KLHL12: variants seen among roughly 807,000 people sequenced by gnomAD.
KLHL12 encodes kelch-like protein 12.
Under a neutral mutation model 60.8 loss-of-function variants are expected in KLHL12, and 17 were observed. The ratio of observed to expected loss-of-function variants is 0.28; its 90% CI spans 0.19 to 0.42. The LOEUF (loss-of-function observed/expected upper bound fraction) is 0.42. Ranked by LOEUF, KLHL12 falls within the 10% of genes least tolerant of loss-of-function variation. The pLI is 1.00. For synonymous variants in KLHL12, 220 were observed against 250.9 expected (o/e 0.88, Z 1.16); for missense variants, 468 against 722.3 (o/e 0.65, Z 4.04).
In KLHL12 at chr1:202,906,228, G is replaced by A. The variant is rs186035640; in HGVS notation, c.832+2782C>T. 8.4e-3 allele frequency among the ~76,000 whole-genome samples: 1,252 copies of A among 149,808 alleles called. 17 individuals are homozygous for A. The highest frequency in any genetic ancestry group is 0.029 in the African/African-American group (1,195 of 40,998). On this transcript the variant is annotated intron_variant, in intron 6 of 11. Transcript: ENST00000367261. ...AGCACTTTAGGAGGCTGAGGTGGGC[G>A]GATCACCTGACGTCAGGAGTCCGAG...
rs1659726360 is a variant in KLHL12 at position 202,893,089 on chromosome 1, AAATAAAAAAAATCT to A, written c.1580+136_1580+149del. 36 of 609,660 alleles carry A rather than the reference AAATAAAAAAAATCT, an allele frequency of 5.9e-5. No homozygotes were observed. In the South Asian group the frequency reaches 8.8e-4, roughly 15 times the overall value. 37.8% of individuals were successfully genotyped at this position (609,660 alleles called of 1,614,324 possible). On this transcript the variant is annotated intron_variant, in intron 11 of 11. Coordinates refer to ENST00000367261, the MANE Select transcript of KLHL12 (RefSeq NM_021633.4). The surrounding 1 kb of genome is among the most constrained non-coding windows in gnomAD (Gnocchi z 4.1). Reference sequence around the variant, plus strand: ...GACAGAGCAATACTCTGTCTCTAAAAAATAAAAAAAATCTAATAAAAAAAATCAAGTTGCCACTG... The same window carrying A: ...GACAGAGCAATACTCTGTCTCTAAAAAATAAAAAAAATCAAGTTGCCACTG...
intron 3 of KLHL12, among the ~76,000 whole-genome samples, chr1:202,919,157 G>C (rs1315923668): frequency 6.6e-6 from 1 of 152,230 alleles, no homozygotes; most frequent in Non-Finnish European, 1.5e-5. Context: ...TCAGGAGGCT[G>C]AGGTGTGAGA....
chr1:202,926,038 G>C (rs575301485), intron 1 of KLHL12, among the ~76,000 whole-genome samples: 8 of 150,708 alleles, frequency 5.3e-5, no homozygotes, highest in Non-Finnish European at 1.2e-4. Flanking sequence ...CCAGGAGGTG[G>C]AGGTTGCAGT....
intron 6 of KLHL12, among the ~76,000 whole-genome samples, chr1:202,904,582 G>C (rs549712381): frequency 1.3e-5 from 2 of 152,274 alleles, no homozygotes; most frequent in South Asian, 4.1e-4. Context: ...CAATGATGGA[G>C]TACTTGTTAA....
At chr1:202,901,535 C>G (rs1378143302) in intron 6 of KLHL12, among the ~76,000 whole-genome samples, 1 of 151,708 alleles carries the variant, frequency 6.6e-6, no homozygotes, top group South Asian at 2.1e-4. Flanking sequence ...CTCCTGAACT[C>G]AAGCGATGCT....
intron 6 of KLHL12, among the ~76,000 whole-genome samples, chr1:202,903,390 A>G (rs963285227): frequency 7.0e-6 from 1 of 143,468 alleles, no homozygotes; most frequent in African/African-American, 2.6e-5. Flanking sequence ...CCTTGTATCT[A>G]GTAGCCAGCT....
intron 6 of KLHL12, among the ~76,000 whole-genome samples, chr1:202,903,015 G>C (rs1660056658): frequency 6.6e-6 from 1 of 151,214 alleles, no homozygotes; most frequent in Admixed American, 6.6e-5. Flanking sequence ...AAATGAAATA[G>C]ATCACCATGG....
rs763544689 is a variant in KLHL12 at position 202,924,952 on chromosome 1, C to T, written c.195+16G>A. 1.2e-6 allele frequency: 2 copies of T among 1,606,776 alleles called. No individual in the cohort carries two copies. The highest frequency in any genetic ancestry group is 1.7e-6 in the Non-Finnish European group (2 of 1,175,454). On this transcript the variant is annotated intron_variant, in intron 2 of 11. Transcript: ENST00000367261. ...TTCCACGGGTTTCATTTGTGTGGGG[C>T]TAATTTACCACTTACCTCACTAGTG...
At chr1:202,898,778 A>G (rs192276450) in intron 6 of KLHL12, among the ~76,000 whole-genome samples, 1 of 152,256 alleles carries the variant, frequency 6.6e-6, no homozygotes, top group Non-Finnish European at 1.5e-5. Context: ...GAAAAGAGAC[A>G]TGAAATCACG....
intron 4 of KLHL12, 113 bp downstream of exon 4, chr1:202,918,058 A>C: frequency 1.2e-6 from 1 of 805,868 alleles, no homozygotes; most frequent in Non-Finnish European, 2.0e-6. Flanking sequence ...GAAATCTTTG[A>C]GCCAAAATGC....
intron 6 of KLHL12, among the ~76,000 whole-genome samples, chr1:202,906,111 G>A (rs1660178495): frequency 1.4e-5 from 2 of 143,272 alleles, no homozygotes; most frequent in South Asian, 2.4e-4. Context: ...GAGCCACCGC[G>A]CCCGGCCACC....
chr1:202,911,237 C>G, intron 4 of KLHL12, 34 bp from the exon 5 acceptor site: 1 of 1,609,596 alleles, frequency 6.2e-7, no homozygotes, highest in African/African-American at 1.3e-5. Context: ...GTGGATCCTA[C>G]TTTTCCAATT....
At chr1:202,925,259 G>A (rs1571547665) in intron 1 of KLHL12, 52 bp from the exon 2 acceptor site, 2 of 1,545,088 alleles carry the variant, frequency 1.3e-6, no homozygotes, top group East Asian at 4.5e-5. Flanking sequence ...TAGGGCAACT[G>A]AACATATTTA....
At chr1:202,926,901 C>T (rs140329909) in intron 1 of KLHL12, among the ~76,000 whole-genome samples, 188 bp downstream of exon 1, 4 of 152,188 alleles carry the variant, frequency 2.6e-5, no homozygotes, top group Non-Finnish European at 5.9e-5. Flanking sequence ...CGGAGAGGGG[C>T]AGTTCAGGGG....
chr1:202,912,245 GA>G, intron 4 of KLHL12: 2 of 1,109,030 alleles, frequency 1.8e-6, no homozygotes, highest in Non-Finnish European at 2.7e-6. Context: ...GCAGTGGCAA[GA>G]AAAGGGGCTT....
At chr1:202,920,472 G>GTTCA (rs1228681266) in intron 2 of KLHL12, among the ~76,000 whole-genome samples, 1 of 132,196 alleles carries the variant, frequency 7.6e-6, no homozygotes, top group African/African-American at 2.8e-5. Flanking sequence ...CACCTCCTGG[G>GTTCA]TTCATGCCAT....
In KLHL12 at chr1:202,896,914, C is replaced by T. The variant is rs1448848726; in HGVS notation, c.879G>A (p.Gln293=). 1.9e-6 allele frequency: 3 copies of T among 1,614,176 alleles called. No individual in the cohort carries two copies. Among genetic ancestry groups the T allele is most frequent in the Non-Finnish European group, 1.7e-6 (2 of 1,180,020 alleles). The change falls in exon 7 of 12, where the codon CAG becomes CAA. Residue 293 remains glutamine (Q), a synonymous_variant. Coordinates refer to ENST00000367261, the MANE Select transcript of KLHL12 (RefSeq NM_021633.4). ...ATTTCTCTACCACATCAATGGGAGA[C>T]TGCTGGCTTCCAAAGCCCCCAACCA... The part of the protein sequence containing the change: ...LLVVGGFGSQ[Q]SPIDVVEKYD...
rs1385263747 is a variant in KLHL12, at chr1:202,918,262, T to C, written c.476A>G (p.Gln159Arg). Residue 159 changes from glutamine (Q) to arginine (R), a missense_variant, in exon 4 of 12, where the codon CAG becomes CGG. Physicochemically the swap from Gln to Arg is conservative, Grantham distance 43. Transcript: ENST00000367261. ...DLMQAAEVFS[Q>R]KHFPEVVQHE... ...CTGTACCACTTCAGGAAAATGCTTC[T>C]GGCTAAAAACCTCAGCTGCTTGCAT... 1.2e-6 allele frequency: 2 copies of C among 1,614,206 alleles called. No individual in the cohort carries two copies. The highest frequency in any genetic ancestry group is 1.1e-5 in the South Asian group (1 of 91,082).
In KLHL12 at chr1:202,920,994, A is replaced by G. The variant is rs1442094656; in HGVS notation, c.196-1086T>C. Among the ~76,000 whole-genome samples, 7 of 152,044 alleles carry G rather than the reference A, an allele frequency of 4.6e-5. No individual in the cohort carries two copies. In the South Asian group the frequency reaches 1.2e-3, roughly 27 times the overall value. The stretch of plus-strand genomic sequence containing the variant: ...TCTCCAGGACTACCTAGTTCCTATC[A>G]TCTGTCCTTAGACTACTTTTTTTTC... On this transcript the variant is annotated intron_variant, in intron 2 of 11. Coordinates refer to ENST00000367261, the MANE Select transcript of KLHL12 (RefSeq NM_021633.4).
Sources: gnomAD v4.1 joint callset for allele counts (sites outside exome capture counted in the v4.1 genomes callset) on GRCh38, gnomAD v4.1.1 for gene constraint, Gnocchi (gnomAD v3.1) non-coding constraint, MANE v1.5 for transcripts, NCBI Gene and HGNC (gene_info 2026-07-23, HGNC 2026-07-21) for gene names.